Variants in CELF2 observed in about 807,000 individuals in gnomAD.
The protein encoded by CELF2 is CUGBP Elav-like family member 2, also known as CUG triplet repeat RNA-binding protein 2.
In CELF2, 8 loss-of-function variants were observed where a neutral mutation model predicts 62.6. The ratio of observed to expected loss-of-function variants is 0.13; its 90% CI spans 0.07 to 0.23. The LOEUF (loss-of-function observed/expected upper bound fraction) is 0.23, where lower values mean the gene tolerates loss of function less well. Ranked by LOEUF, CELF2 falls within the 10% of genes least tolerant of loss-of-function variation. The pLI, the probability that CELF2 is intolerant of heterozygous loss-of-function variation, is 1.00. For synonymous variants in CELF2, 258 were observed against 250.0 expected (o/e 1.03, Z -0.30); for missense variants, 333 against 671.0 (o/e 0.50, Z 5.56).
rs2072198912 is a variant in CELF2 at position 11,178,794 on chromosome 10, C to T, written c.271+13112C>T. Among the ~76,000 whole-genome samples, 1 of 152,222 alleles carries T rather than the reference C, an allele frequency of 6.6e-6. No individual in the cohort carries two copies. Among genetic ancestry groups the T allele is most frequent in the Admixed American group, 6.5e-5 (1 of 15,284 alleles). The stretch of plus-strand genomic sequence containing the variant: ...GCCTATCGCTCTGTGGCTTTCTCCC[C>T]CTGCATTAGCCGCAGAGCTGAGTGA... On this transcript the variant is annotated intron_variant, in intron 2 of 12. Coordinates refer to ENST00000633077, the MANE Select transcript of CELF2 (RefSeq NM_001326342.2). This position sits in a 1 kb window ranked among gnomAD's most constrained non-coding sequence, Gnocchi z 4.3.
chr10:10,607,757 A>G, the CELF2 span, among the ~76,000 whole-genome samples: 23 of 152,344 alleles, frequency 1.5e-4, no homozygotes, highest in East Asian at 4.0e-3. Context: ...CATTAAAGCA[A>G]TACATGACTC....
At chr10:10,475,563 A>G in the CELF2 span, among the ~76,000 whole-genome samples, 7 of 152,082 alleles carry the variant, frequency 4.6e-5, no homozygotes, top group African/African-American at 1.2e-4. Flanking sequence ...ATTCAATTAC[A>G]TAATTTGAGG....
intron 3 of CELF2, among the ~76,000 whole-genome samples, chr10:11,232,005 A>G (rs1372643184): frequency 2.0e-5 from 3 of 151,668 alleles, no homozygotes; most frequent in East Asian, 3.9e-4. Flanking sequence ...CTTTTTTTTT[A>G]TTATACTTTA....
intron 2 of CELF2, among the ~76,000 whole-genome samples, chr10:10,979,905 T>C (rs2051864550): frequency 6.6e-6 from 1 of 152,186 alleles, no homozygotes; most frequent in South Asian, 2.1e-4. Context: ...CTGTTCCTTT[T>C]TGATAAGAAG....
chr10:11,174,240 C>G (rs745577039), intron 2 of CELF2, among the ~76,000 whole-genome samples: 3 of 151,846 alleles, frequency 2.0e-5, no homozygotes, highest in African/African-American at 4.8e-5. Context: ...TTGTCAAAGC[C>G]TGAATCACAT....
Position 11,333,439 on chromosome 10 carries a change from A to G in CELF2, c.*4386A>G, listed in dbSNP as rs2096065666. 1 of 152,636 alleles carries G rather than the reference A, an allele frequency of 6.6e-6. No homozygotes were observed. Among genetic ancestry groups the G allele is most frequent in the Non-Finnish European group, 1.5e-5 (1 of 68,034 alleles). 9.5% of individuals were successfully genotyped at this position (152,636 alleles called of 1,614,324 possible). ...AATTGTGATACAATGGCAGTCCTCA[A>G]AGGCGTAACGAGTTCATCTTTCTTT... On this transcript the variant is annotated 3_prime_UTR_variant, in exon 13 of 13. Transcript: ENST00000633077.
chr10:10,501,247 T>C, the CELF2 span, among the ~76,000 whole-genome samples: 1 of 152,246 alleles, frequency 6.6e-6, no homozygotes, highest in African/African-American at 2.4e-5. Flanking sequence ...TCAAGTTTCT[T>C]TGAATCCTTA....
chr10:10,831,289 C>T (rs1564686092), intron 1 of CELF2, among the ~76,000 whole-genome samples: 2 of 152,194 alleles, frequency 1.3e-5, no homozygotes, highest in African/African-American at 4.8e-5. Flanking sequence ...CTGGTGTTTA[C>T]TCCCTCAGGG....
the CELF2 span, among the ~76,000 whole-genome samples, chr10:10,764,689 A>C: frequency 3.3e-5 from 5 of 152,192 alleles, no homozygotes; most frequent in Admixed American, 3.3e-4. Flanking sequence ...ATGCCTTTTT[A>C]ATAATCTTAT....
intron 1 of CELF2, among the ~76,000 whole-genome samples, chr10:10,911,326 T>TG (rs1166549471): frequency 2.0e-5 from 3 of 152,230 alleles, no homozygotes; most frequent in Non-Finnish European, 4.4e-5. Context: ...GGCACACACT[T>TG]GTGGCTCTTT....
chr10:10,723,092 G>A, the CELF2 span, among the ~76,000 whole-genome samples: 1 of 152,136 alleles, frequency 6.6e-6, no homozygotes, highest in Non-Finnish European at 1.5e-5. Context: ...TTTAATTCAT[G>A]GTATCTATGA....
intron 1 of CELF2, among the ~76,000 whole-genome samples, chr10:11,026,590 A>G (rs2059246082): frequency 6.6e-6 from 1 of 152,188 alleles, no homozygotes. Context: ...GAATCTCTGT[A>G]CCCTGGCCTA....
intron 2 of CELF2, among the ~76,000 whole-genome samples, chr10:11,197,026 A>AAGAAGGAAGG (rs774739669): frequency 6.2e-4 from 1 of 1,610 alleles, no homozygotes; most frequent in African/African-American, 8.0e-4. Context: ...GAAAGAAAGA[A>AAGAAGGAAGG]AAGAAAGAAA....
the CELF2 span, among the ~76,000 whole-genome samples, chr10:10,545,723 TAAGA>T: frequency 6.6e-6 from 1 of 152,154 alleles, no homozygotes; most frequent in Non-Finnish European, 1.5e-5. Context: ...CTTTTTATGT[TAAGA>T]AAGAGTTAAC....
At chr10:10,803,654 G>A (rs959166606) in intron 1 of CELF2, among the ~76,000 whole-genome samples, 2 of 152,188 alleles carry the variant, frequency 1.3e-5, no homozygotes, top group African/African-American at 2.4e-5. Flanking sequence ...TTATAAAAAT[G>A]TTCACTTCGT....
intron 2 of CELF2, among the ~76,000 whole-genome samples, chr10:11,213,390 G>C (rs1272869150): frequency 1.3e-5 from 2 of 152,310 alleles, no homozygotes; most frequent in East Asian, 3.9e-4. Flanking sequence ...AGCTGGCGTG[G>C]GGAAATCTAG....
intron 1 of CELF2, among the ~76,000 whole-genome samples, chr10:10,917,116 A>G (rs1408861032): frequency 1.3e-5 from 2 of 152,180 alleles, no homozygotes; most frequent in Non-Finnish European, 2.9e-5. Flanking sequence ...AAATTTAAAA[A>G]TTACAGTGAT....
chr10:11,022,474 A>T (rs2058486440), intron 1 of CELF2, among the ~76,000 whole-genome samples: 1 of 152,166 alleles, frequency 6.6e-6, no homozygotes, highest in Admixed American at 6.5e-5. Context: ...TTTGGATATG[A>T]ACCTAGTAAT....
intron 1 of CELF2, among the ~76,000 whole-genome samples, chr10:10,806,406 C>T (rs567311735): frequency 2.6e-5 from 4 of 152,134 alleles, no homozygotes; most frequent in African/African-American, 7.2e-5. Context: ...GGCTTCACCA[C>T]GTTGGCCAGG....
Sources: allele counts gnomAD v4.1 joint callset (sites outside exome capture counted in the v4.1 genomes callset), GRCh38; gene constraint gnomAD v4.1.1; non-coding constraint Gnocchi (gnomAD v3.1); transcripts MANE v1.5; gene names NCBI Gene and HGNC (gene_info 2026-07-23, HGNC 2026-07-21).